The following LIN54 variants were observed in gnomAD, a reference collection of about 807,000 sequenced individuals.
LIN54 encodes protein lin-54 homolog.
LIN54 carries 9 observed loss-of-function variants against 78.7 expected under a neutral mutation model. That is an observed-to-expected ratio of 0.11 (90% confidence interval 0.07 to 0.20). LIN54 has a LOEUF of 0.20. LIN54 is among the 10% of genes least tolerant of loss of function. The pLI is 1.00. For synonymous variants in LIN54, 269 were observed against 318.4 expected (o/e 0.84, Z 1.65); for missense variants, 573 against 889.9 (o/e 0.64, Z 4.53).
intron 1 of LIN54, among the ~76,000 whole-genome samples, chr4:82,994,356 A>G (rs1254603025): frequency 6.6e-6 from 1 of 152,024 alleles, no homozygotes; most frequent in African/African-American, 2.4e-5. Flanking sequence ...TTTTTGACTC[A>G]GTATACGGTC....
rs767832742 is a variant in LIN54, at chr4:82,938,457, A to G, written c.1488T>C (p.Thr496=). The change falls in exon 8 of 13, where the codon ACT becomes ACC. Residue 496 remains threonine, a synonymous_variant. Transcript: ENST00000340417. ...YVSIASNSTF[T]GTSGIQTQAR... ...CCTGGGTCTGGATACCAGATGTTCC[A>G]GTAAAGGTAGAGTTGCTTGCTATTG... 8 of 1,612,268 alleles carry G rather than the reference A, an allele frequency of 5.0e-6. No individual in the cohort carries two copies. The South Asian group carries it at 6.6e-5, about 13-fold the overall frequency.
chr4:82,932,657 T>C (rs866492925), intron 11 of LIN54, among the ~76,000 whole-genome samples: 1 of 132,718 alleles, frequency 7.5e-6, no homozygotes, highest in African/African-American at 2.8e-5. Flanking sequence ...CATCTCTCTT[T>C]AAAAAAAAAA....
intron 4 of LIN54, among the ~76,000 whole-genome samples, chr4:82,962,623 C>T (rs1724889584): frequency 6.6e-6 from 1 of 150,520 alleles, no homozygotes; most frequent in African/African-American, 2.5e-5. Flanking sequence ...GGTAGCTTGA[C>T]AGATGAGTAG....
intron 2 of LIN54, among the ~76,000 whole-genome samples, chr4:82,982,217 C>CT (rs1026903301): frequency 2.0e-5 from 3 of 151,900 alleles, no homozygotes; most frequent in African/African-American, 7.3e-5. Flanking sequence ...TTTATGATAT[C>CT]TTTTCCTTTT....
intron 4 of LIN54, among the ~76,000 whole-genome samples, chr4:82,962,764 A>T (rs1724907105): frequency 6.6e-6 from 1 of 150,786 alleles, no homozygotes; most frequent in South Asian, 2.1e-4. Context: ...ATTTAAAGAT[A>T]TGTCAATCAA....
intron 5 of LIN54, among the ~76,000 whole-genome samples, chr4:82,941,666 G>A (rs1400058925): frequency 2.0e-5 from 3 of 152,110 alleles, no homozygotes; most frequent in African/African-American, 7.2e-5. Context: ...ACAGCAGTGG[G>A]AATAAAAAAG....
rs541272704 is a variant in LIN54 at position 82,945,593 on chromosome 4, G to C, written c.1168+665C>G. Among the ~76,000 whole-genome samples the C allele has an allele frequency of 6.6e-5, 10 of 151,728 alleles. No individual in the cohort carries two copies. In the South Asian group the frequency reaches 1.7e-3, roughly 25 times the overall value. ...ACTGCAACCTCCATCTCCCAGGTTC[G>C]AGCAATTCTCCAGTCTCAGCCTCCC... On this transcript the variant is annotated intron_variant, in intron 5 of 12. Transcript: ENST00000340417.
At chr4:82,957,812 C>T (rs1281903400) in intron 4 of LIN54, among the ~76,000 whole-genome samples, 1 of 152,130 alleles carries the variant, frequency 6.6e-6, no homozygotes, top group African/African-American at 2.4e-5. Flanking sequence ...CTTCCCCCAC[C>T]CCTATAAACT....
At chr4:82,949,438 C>T (rs867332558) in intron 4 of LIN54, among the ~76,000 whole-genome samples, 3 of 151,940 alleles carry the variant, frequency 2.0e-5, no homozygotes, top group African/African-American at 4.8e-5. Flanking sequence ...ACTCGGTTGC[C>T]CAAGCTAGAG....
chr4:82,960,559 G>A (rs1258401074), intron 4 of LIN54, among the ~76,000 whole-genome samples: 4 of 151,892 alleles, frequency 2.6e-5, no homozygotes, highest in South Asian at 4.2e-4. Flanking sequence ...TCAGCCTCCC[G>A]AGTAGCTAGG....
chr4:82,945,708 G>A (rs1479411410), intron 5 of LIN54, among the ~76,000 whole-genome samples: 1 of 151,938 alleles, frequency 6.6e-6, no homozygotes, highest in Non-Finnish European at 1.5e-5. Flanking sequence ...TGTTAAGGCT[G>A]GTCTTGAACT....
At chr4:82,970,185 G>T in intron 4 of LIN54, 142 bp downstream of exon 4, 1 of 729,318 alleles carries the variant, frequency 1.4e-6, no homozygotes, top group Non-Finnish European at 2.2e-6. Context: ...AGACATCCTT[G>T]ATTACTAAAT....
chr4:82,979,918 AGAGT>A (rs1726482240), intron 2 of LIN54, among the ~76,000 whole-genome samples: 1 of 129,762 alleles, frequency 7.7e-6, no homozygotes, highest in South Asian at 2.9e-4. Context: ...CCTGGGTGAC[AGAGT>A]GAGTGAGACT....
intron 10 of LIN54, 24 bp from the exon 11 acceptor site, chr4:82,936,142 G>A (rs769634842): frequency 3.7e-6 from 6 of 1,613,304 alleles, no homozygotes; most frequent in South Asian, 1.1e-5. Context: ...TCAAATATCA[G>A]TTAGAGTTAA....
At chr4:83,004,492 C>T (rs1729156206) in intron 1 of LIN54, among the ~76,000 whole-genome samples, 2 of 143,908 alleles carry the variant, frequency 1.4e-5, no homozygotes, top group African/African-American at 2.5e-5. Context: ...GAAAGAAATA[C>T]ATTTTTGTTT....
chr4:82,936,430 C>CT (rs1722397490), intron 9 of LIN54, 49 bp from the exon 10 acceptor site: 4 of 940,878 alleles, frequency 4.3e-6, no homozygotes, highest in Non-Finnish European at 6.5e-6. Flanking sequence ...TTAAGGAAAA[C>CT]TAATTATCTG....
At position 82,958,807 on chromosome 4, in the gene LIN54, A is replaced by C. The variant is rs1578546051; in HGVS notation, c.951+11520T>G. Among the ~76,000 whole-genome samples the C allele has an allele frequency of 2.0e-5, 3 of 152,184 alleles. 1 individual carries two copies. The South Asian group carries it at 6.2e-4, about 32-fold the overall frequency. On this transcript the variant is annotated intron_variant, in intron 4 of 12. Transcript: ENST00000340417. ...AAACTCCGCCTCCTGGGTTCAAGTGATTCTCCTGCCTCAGCCTCCCAAGTA... is the reference window on the plus strand; with the variant it reads ...AAACTCCGCCTCCTGGGTTCAAGTGCTTCTCCTGCCTCAGCCTCCCAAGTA...
chr4:82,977,654 A>G (rs1273786886), intron 3 of LIN54, among the ~76,000 whole-genome samples: 1 of 152,234 alleles, frequency 6.6e-6, no homozygotes, highest in African/African-American at 2.4e-5. Flanking sequence ...TTAAAGACAG[A>G]TGGTTTTAAT....
intron 1 of LIN54, among the ~76,000 whole-genome samples, chr4:82,986,289 G>T (rs1265768289): frequency 1.4e-4 from 22 of 151,928 alleles, no homozygotes; most frequent in Non-Finnish European, 3.2e-4. Context: ...CTAATTTTTT[G>T]TATTTTTAGT....
Sources: allele counts gnomAD v4.1 joint callset (sites outside exome capture counted in the v4.1 genomes callset), GRCh38; gene constraint gnomAD v4.1.1; transcripts MANE v1.5; gene names NCBI Gene and HGNC (gene_info 2026-07-23, HGNC 2026-07-21).